The following TNIP3 variants were observed in gnomAD, a reference collection of about 807,000 sequenced individuals.
TNIP3 encodes the protein TNFAIP3-interacting protein 3.
In TNIP3, 34 loss-of-function variants were observed where a neutral mutation model predicts 54.1. That is an observed-to-expected ratio of 0.63 (90% confidence interval 0.48 to 0.84). The LOEUF (loss-of-function observed/expected upper bound fraction) is 0.84. TNIP3 is among the 40% of genes least tolerant of loss of function. The pLI is 0.00. For synonymous variants in TNIP3, 134 were observed against 136.8 expected, an observed-to-expected ratio of 0.98 and a Z score of 0.14; for missense variants, 366 against 387.6, an observed-to-expected ratio of 0.94 and a Z score of 0.47.
intron 2 of TNIP3, among the ~76,000 whole-genome samples, chr4:121,197,538 A>C (rs1236014951): frequency 6.6e-6 from 1 of 151,812 alleles, no homozygotes; most frequent in Non-Finnish European, 1.5e-5. Context: ...TCTCAAAAAA[A>C]AAAAAAAAAA....
At chr4:121,168,938 G>T (rs1730922576), upstream of TNIP3, among the ~76,000 whole-genome samples, 1 of 152,072 alleles carries the variant, frequency 6.6e-6, no homozygotes, top group Non-Finnish European at 1.5e-5. Context: ...GTGACCTTGG[G>T]CAAGATGATT....
chr4:121,165,743 G>A (rs193031854), upstream of TNIP3, among the ~76,000 whole-genome samples: 1 of 151,674 alleles, frequency 6.6e-6, no homozygotes, highest in Non-Finnish European at 1.5e-5. Flanking sequence ...TGAGTGAAAG[G>A]GAGTGACGCT....
intron 2 of TNIP3, among the ~76,000 whole-genome samples, chr4:121,184,173 C>G (rs560607031): frequency 6.6e-6 from 1 of 151,766 alleles, no homozygotes; most frequent in Non-Finnish European, 1.5e-5. Context: ...TTTTGCCTGA[C>G]TCATCATATC....
At chr4:121,140,958 G>A (rs1475548891) in intron 9 of TNIP3, among the ~76,000 whole-genome samples, 3 of 152,066 alleles carry the variant, frequency 2.0e-5, no homozygotes, top group Admixed American at 6.6e-5. Context: ...AGTCACACTC[G>A]AACAAAAGTA....
upstream of TNIP3, among the ~76,000 whole-genome samples, chr4:121,221,330 C>T (rs2148853241): frequency 6.6e-6 from 1 of 152,030 alleles, no homozygotes; most frequent in East Asian, 1.9e-4. Flanking sequence ...CATTTTATCT[C>T]CATAAATATT....
At chr4:121,216,644 C>A, upstream of TNIP3, 1 of 1,436,432 alleles carries the variant, frequency 7.0e-7, no homozygotes, top group Non-Finnish European at 9.1e-7. Context: ...TGTTTTCAGC[C>A]CTGCCAGACC....
At position 121,225,838 on chromosome 4, in the gene TNIP3, G is replaced by A. The variant is rs982015965; in HGVS notation, c.3+1547C>T. 2.0e-5 allele frequency among the ~76,000 whole-genome samples: 3 copies of A among 152,228 alleles called. No homozygotes were observed. In the Middle Eastern group the frequency reaches 0.01, roughly 518 times the overall value. On this transcript the variant is annotated intron_variant, in intron 1 of 12. Coordinates refer to the TNIP3 transcript ENST00000509841. ...TGAGGAATCAGGGACTTTGACTGAT[G>A]AGATAAATGGGAACTTTGCCTGTCT...
intron 1 of TNIP3, among the ~76,000 whole-genome samples, chr4:121,226,223 A>C (rs569699568): frequency 9.2e-5 from 14 of 152,022 alleles, no homozygotes; most frequent in Non-Finnish European, 1.6e-4. Flanking sequence ...AGACAGAGGC[A>C]GAGGTACACA....
At chr4:121,215,607 C>A (rs1276418021) in intron 2 of TNIP3, among the ~76,000 whole-genome samples, 1 of 152,042 alleles carries the variant, frequency 6.6e-6, no homozygotes, top group African/African-American at 2.4e-5. Flanking sequence ...TCTATTTTTC[C>A]ATCTTTCTCC....
At chr4:121,218,795 C>T (rs1220745034), upstream of TNIP3, among the ~76,000 whole-genome samples, 3 of 138,556 alleles carry the variant, frequency 2.2e-5, no homozygotes, top group Non-Finnish European at 4.5e-5. Context: ...CTCCTGGGCT[C>T]AAGCAATTCT....
chr4:121,149,914 C>T (rs954343114), intron 6 of TNIP3, among the ~76,000 whole-genome samples, 189 bp downstream of exon 6: 1 of 152,204 alleles, frequency 6.6e-6, no homozygotes, highest in African/African-American at 2.4e-5. Context: ...TCCCTATGTT[C>T]TAAATGGTGG....
intron 1 of TNIP3, among the ~76,000 whole-genome samples, chr4:121,222,202 C>T (rs138189700): frequency 2.0e-3 from 310 of 152,266 alleles, no homozygotes; most frequent in African/African-American, 7.0e-3. Flanking sequence ...TCTTCCCCTG[C>T]GAAGAGGACC....
chr4:121,143,280 G>A (rs2148798879), intron 7 of TNIP3, among the ~76,000 whole-genome samples: 1 of 152,250 alleles, frequency 6.6e-6, no homozygotes, highest in South Asian at 2.1e-4. Context: ...AAGTCACACT[G>A]CTATATCCCA....
At chr4:121,138,541 T>C in intron 10 of TNIP3, 83 bp downstream of exon 10, 2 of 1,304,908 alleles carry the variant, frequency 1.5e-6, no homozygotes, top group Admixed American at 3.5e-5. Context: ...CAAGTACGAA[T>C]GAATGTATGT....
intron 2 of TNIP3, among the ~76,000 whole-genome samples, chr4:121,210,580 A>G (rs965971565): frequency 6.6e-6 from 1 of 152,160 alleles, no homozygotes; most frequent in Non-Finnish European, 1.5e-5. Flanking sequence ...AACAATGGGT[A>G]TTTATTTCTC....
intron 7 of TNIP3, among the ~76,000 whole-genome samples, chr4:121,143,305 T>C (rs1729228106): frequency 6.6e-6 from 1 of 152,188 alleles, no homozygotes; most frequent in Non-Finnish European, 1.5e-5. Context: ...TTCTCACTAC[T>C]TAAGGCCCAG....
intron 2 of TNIP3, among the ~76,000 whole-genome samples, chr4:121,196,200 A>G (rs1400926426): frequency 2.0e-5 from 3 of 152,214 alleles, no homozygotes; most frequent in African/African-American, 7.2e-5. Flanking sequence ...CATTTTCTGT[A>G]CTCAGAAATA....
chr4:121,186,091 A>G (rs1353833401), intron 2 of TNIP3, among the ~76,000 whole-genome samples: 1 of 152,188 alleles, frequency 6.6e-6, no homozygotes, highest in Non-Finnish European at 1.5e-5. Context: ...ACGGGCCCTC[A>G]TGAGGATAGT....
At position 121,141,933 on chromosome 4, in the gene TNIP3, T is replaced by TG; in HGVS notation, c.787-20dup. 1 of 1,555,178 alleles carries TG rather than the reference T, an allele frequency of 6.4e-7. No homozygotes were observed. The highest frequency in any genetic ancestry group is 8.7e-7 in the Non-Finnish European group (1 of 1,145,650). ...AATACATCTGAGGAGAACAAAACTG[T>TG]GGGGTCACTACCAGTGGGAGAGACT... is the stretch of plus-strand genomic sequence containing the variant. On this transcript the variant is annotated intron_variant, in intron 8 of 10. Coordinates refer to ENST00000057513, the MANE Select transcript of TNIP3 (RefSeq NM_024873.6).
Sources: allele counts gnomAD v4.1 joint callset (sites outside exome capture counted in the v4.1 genomes callset), GRCh38; gene constraint gnomAD v4.1.1; transcripts MANE v1.5; gene names NCBI Gene and HGNC (gene_info 2026-07-23, HGNC 2026-07-21).